TPO: variants seen among roughly 807,000 people sequenced by gnomAD.
The protein encoded by TPO is thyroid peroxidase.
Under a neutral mutation model 96.9 loss-of-function variants are expected in TPO, and 78 were observed. That is an observed-to-expected ratio of 0.81 (90% confidence interval 0.67 to 0.97). TPO has a LOEUF of 0.97. Ranked by LOEUF, TPO falls within the 50% of genes least tolerant of loss-of-function variation. The pLI, the probability that TPO is intolerant of heterozygous loss-of-function variation, is 0.00. For synonymous variants in TPO, 547 were observed against 538.0 expected, an observed-to-expected ratio of 1.02 and a Z score of -0.23; for missense variants, 1,252 against 1,274.8, an observed-to-expected ratio of 0.98 and a Z score of 0.27.
intron 15 of TPO, among the ~76,000 whole-genome samples, chr2:1,523,191 C>A (rs1187904087): frequency 5.0e-5 from 6 of 120,944 alleles, no homozygotes; most frequent in Non-Finnish European, 6.9e-5. Context: ...CAAATCCCCC[C>A]AACTGTTTGC....
intron 7 of TPO, among the ~76,000 whole-genome samples, chr2:1,463,677 T>C (rs1375304876): frequency 6.6e-6 from 1 of 152,218 alleles, no homozygotes; most frequent in Non-Finnish European, 1.5e-5. Context: ...ACTGGGCTTT[T>C]CTTCATGACC....
Position 1,375,390 on chromosome 2 carries a change from C to T in TPO, n.180+988C>T, listed in dbSNP as rs572020766. On this transcript the variant is annotated intron_variant and non_coding_transcript_variant, in intron 1 of 5. Transcript: ENST00000497517. ...ATGTTGCTAAGATTGAGAATGTGCC[C>T]GGAAAAAACAAACACAAGTCCCAGT... Among the ~76,000 whole-genome samples the T allele has an allele frequency of 1.8e-4, 28 of 152,004 alleles. No homozygotes were observed. The South Asian group carries it at 4.4e-3, about 24-fold the overall frequency.
At chr2:1,535,162 A>T (rs1219389481) in intron 15 of TPO, among the ~76,000 whole-genome samples, 2 of 6,010 alleles carry the variant, frequency 3.3e-4, no homozygotes, top group Non-Finnish European at 6.9e-4. Context: ...CCCCCCCCCC[A>T]TTGTGGGCAA....
At chr2:1,529,050 TCCC>T (rs1210714216) in intron 15 of TPO, among the ~76,000 whole-genome samples, 2 of 79,328 alleles carry the variant, frequency 2.5e-5, no homozygotes, top group Non-Finnish European at 4.7e-5. Context: ...TCCCCAAATC[TCCC>T]CAGTGTGTGC....
rs1036021459 is a variant in TPO at position 1,480,766 on chromosome 2, C to T, written c.1338+3162C>T. On this transcript the variant is annotated intron_variant, in intron 8 of 16. Coordinates refer to ENST00000329066, the MANE Select transcript of TPO (RefSeq NM_001206744.2). Reference sequence around the variant, plus strand: ...CCTGCTGCATCCGTCCACACCACCTCCCTCCTCCTGCATCCGTCCACACCA... The same window carrying T: ...CCTGCTGCATCCGTCCACACCACCTTCCTCCTCCTGCATCCGTCCACACCA... Among the ~76,000 whole-genome samples, 77 of 150,096 alleles carry T rather than the reference C, an allele frequency of 5.1e-4. 1 individual carries two copies. The highest frequency in any genetic ancestry group is 1.3e-3 in the African/African-American group (53 of 40,872).
chr2:1,426,544 G>A (rs941053059), intron 3 of TPO, among the ~76,000 whole-genome samples: 9 of 151,570 alleles, frequency 5.9e-5, no homozygotes, highest in African/African-American at 1.5e-4. Context: ...TCTAGATGCC[G>A]GGATACAGAG....
intron 15 of TPO, among the ~76,000 whole-genome samples, chr2:1,536,830 G>A (rs1469611989): frequency 1.0e-5 from 1 of 96,002 alleles, no homozygotes. Flanking sequence ...CCCACTGTGT[G>A]CAACCTCCCC....
chr2:1,465,303 C>T (rs1338701750), intron 7 of TPO, among the ~76,000 whole-genome samples: 1 of 152,100 alleles, frequency 6.6e-6, no homozygotes, highest in Non-Finnish European at 1.5e-5. Flanking sequence ...TGACTATGGC[C>T]TTATAGTATA....
chr2:1,541,333 C>A (rs888575254), intron 16 of TPO: 2 of 340,196 alleles, frequency 5.9e-6, no homozygotes, highest in Non-Finnish European at 8.6e-6. Flanking sequence ...TCATAATGAT[C>A]GCATGTTTCA....
intron 1 of TPO, among the ~76,000 whole-genome samples, chr2:1,393,258 C>G (rs1192313918): frequency 1.3e-5 from 2 of 152,126 alleles, no homozygotes; most frequent in African/African-American, 2.4e-5. Flanking sequence ...ACCACCAGAT[C>G]TCACAAGAAC....
At chr2:1,412,265 G>A (rs2298876), upstream of TPO, among the ~76,000 whole-genome samples, 83,278 of 152,022 alleles carry the variant, frequency 0.55, 23,212 homozygotes, top group Admixed American at 0.65. Context: ...GCATCAAACC[G>A]AGGATGGCTG....
At chr2:1,422,361 C>CTCTCCTGGACAGACTTCGT (rs1558264460) in intron 2 of TPO, among the ~76,000 whole-genome samples, 1 of 140,244 alleles carries the variant, frequency 7.1e-6, no homozygotes, top group African/African-American at 2.5e-5. Flanking sequence ...GTGCAGGCGC[C>CTCTCCTGGACAGACTTCGT]GCGCTGGACC....
At chr2:1,466,449 A>G (rs1197729635) in intron 7 of TPO, among the ~76,000 whole-genome samples, 1 of 152,200 alleles carries the variant, frequency 6.6e-6, no homozygotes, top group African/African-American at 2.4e-5. Context: ...CTTGTGGAGT[A>G]GTGTCAATAG....
intron 2 of TPO, among the ~76,000 whole-genome samples, chr2:1,416,852 C>T (rs988382716): frequency 1.1e-4 from 16 of 152,216 alleles, no homozygotes; most frequent in Non-Finnish European, 2.4e-4. Context: ...AAAACCTTGG[C>T]CTGCTCCCCA....
At chr2:1,492,606 C>T (rs142830976) in intron 10 of TPO, among the ~76,000 whole-genome samples, 3 of 152,204 alleles carry the variant, frequency 2.0e-5, no homozygotes, top group African/African-American at 7.2e-5. Context: ...CTGGAGGATG[C>T]CTGGCTATTT....
intron 1 of TPO, among the ~76,000 whole-genome samples, chr2:1,386,377 G>A (rs1039333797): frequency 6.6e-6 from 1 of 152,152 alleles, no homozygotes; most frequent in African/African-American, 2.4e-5. Flanking sequence ...CTAAGGACTT[G>A]CTTTATGAAT....
rs1253427388 is a variant in TPO, at chr2:1,423,027, T to A, written c.95-18T>A. The A allele has an allele frequency of 1.2e-6, 2 of 1,613,058 alleles. No individual in the cohort carries two copies. Among genetic ancestry groups the A allele is most frequent in the African/African-American group, 1.3e-5 (1 of 74,938 alleles). Reference sequence around the variant, plus strand: ...GAACTGTCATTGCGCTTTGACTGTGTGACATTCTGTTCCGTAGGAAAGCCT... The same window carrying A: ...GAACTGTCATTGCGCTTTGACTGTGAGACATTCTGTTCCGTAGGAAAGCCT... On this transcript the variant is annotated intron_variant, in intron 2 of 16. Coordinates refer to ENST00000329066, the MANE Select transcript of TPO (RefSeq NM_001206744.2).
chr2:1,467,101 C>T lies in TPO; in HGVS notation c.820-9985C>T, dbSNP rs117843285. On this transcript the variant is annotated intron_variant, in intron 7 of 16. Coordinates refer to ENST00000329066, the MANE Select transcript of TPO (RefSeq NM_001206744.2). ...GTTGTGTCATTATTGTCATTCAGTT[C>T]AAAGAATTTTTTTTTTTTTGAGATG... is the stretch of plus-strand genomic sequence containing the variant. Among the ~76,000 whole-genome samples the T allele has an allele frequency of 4.6e-5, 7 of 151,718 alleles. No homozygotes were observed. The South Asian group carries it at 1.3e-3, about 27-fold the overall frequency.
chr2:1,474,101 T>A (rs1033184367), intron 7 of TPO, among the ~76,000 whole-genome samples: 2 of 152,246 alleles, frequency 1.3e-5, no homozygotes, highest in African/African-American at 4.8e-5. Flanking sequence ...ATTAAATTGT[T>A]CCATTGTTTC....
Sources: gnomAD v4.1 joint callset for allele counts (sites outside exome capture counted in the v4.1 genomes callset) on GRCh38, gnomAD v4.1.1 for gene constraint, MANE v1.5 for transcripts, NCBI Gene and HGNC (gene_info 2026-07-23, HGNC 2026-07-21) for gene names.